ATP7A: variants seen among roughly 807,000 people sequenced by gnomAD.
ATP7A encodes copper-transporting ATPase 1.
A neutral mutation model predicts 83.5 loss-of-function variants in ATP7A; 7 were observed. The observed-to-expected ratio is 0.08, with a 90% confidence interval of 0.05 to 0.16. ATP7A has a LOEUF of 0.16. Ranked by LOEUF, ATP7A falls within the 10% of genes least tolerant of loss-of-function variation. ATP7A has a pLI of 1.00. For missense variants in ATP7A, 940 were observed against 1,120.8 expected (o/e 0.84, Z 2.30); for synonymous variants, 354 against 395.2 (o/e 0.90, Z 1.24).
intron 2 of ATP7A, among the ~76,000 whole-genome samples, chrX:77,981,903 C>T (rs2077607143): frequency 9.0e-6 from 1 of 110,985 alleles, no homozygotes. Flanking sequence ...AAAGTGATAA[C>T]CTTTATTTAG....
intron 15 of ATP7A, among the ~76,000 whole-genome samples, chrX:78,031,098 G>A (rs1438795495): frequency 9.0e-6 from 1 of 111,431 alleles, no homozygotes; most frequent in Non-Finnish European, 1.9e-5. Context: ...CACTAGAGGC[G>A]TCTCTTAATT....
At position 78,046,500 on chromosome X, in the gene ATP7A, T is replaced by A; in HGVS notation, c.4433T>A (p.Val1478Asp). The A allele has an allele frequency of 4.1e-6, 5 of 1,211,526 alleles. No individual in the cohort carries two copies. The highest frequency in any genetic ancestry group is 5.6e-6 in the Non-Finnish European group (5 of 895,329). Residue 1478 changes from valine to aspartate, a missense_variant, in exon 23 of 23, where the codon GTT becomes GAT. Physicochemically the swap from Val to Asp is radical, Grantham distance 152. This residue lies in a region of ATP7A where 386 missense variants were observed against 502.2 expected (regional missense o/e 0.77). Coordinates refer to ENST00000341514, the MANE Select transcript of ATP7A (RefSeq NM_000052.7). ...LSDKRSLNSV[V>D]TSEPDKHSLL... ...GATAAACGCTCCCTAAACAGTGTTG[T>A]TACCAGTGAACCTGACAAGCACTCA...
Position 78,012,972 on chromosome X carries a change from A to G in ATP7A, c.2266A>G (p.Ile756Val). ...CGTACTGATTGTGCTGGCAACCACC[A>G]TTGCATTTGCCTACTCTTTGATTAT... ...MDVLIVLATT[I>V]AFAYSLIILL... Residue 756 changes from isoleucine to valine, a missense_variant, in exon 10 of 23, where the codon ATT becomes GTT. This residue lies in a region of ATP7A where 204 missense variants were observed against 185.8 expected (regional missense o/e 1.10). Coordinates refer to ENST00000341514, the MANE Select transcript of ATP7A (RefSeq NM_000052.7). The G allele has an allele frequency of 3.3e-6, 4 of 1,211,264 alleles. No homozygotes were observed. The highest frequency in any genetic ancestry group is 4.5e-6 in the Non-Finnish European group (4 of 895,128).
intron 20 of ATP7A, 64 bp downstream of exon 20, chrX:78,042,852 A>C: frequency 4.4e-5 from 48 of 1,080,078 alleles, no homozygotes; most frequent in Non-Finnish European, 5.5e-5. Flanking sequence ...TGATAATGTC[A>C]TAAAGTATAT....
intron 2 of ATP7A, among the ~76,000 whole-genome samples, chrX:77,984,525 G>C (rs976531482): frequency 2.7e-5 from 3 of 109,795 alleles, no homozygotes; most frequent in Non-Finnish European, 3.8e-5. Context: ...CCACCACCAC[G>C]GCCAGCTAAT....
intron 1 of ATP7A, among the ~76,000 whole-genome samples, chrX:77,916,046 T>A: frequency 9.0e-6 from 1 of 111,408 alleles, no homozygotes; most frequent in African/African-American, 3.2e-5. Context: ...GCACAATACT[T>A]AATTTCTAAC....
chrX:77,962,218 T>C (rs1242945437), intron 1 of ATP7A, among the ~76,000 whole-genome samples: 1 of 111,353 alleles, frequency 9.0e-6, no homozygotes, highest in Non-Finnish European at 1.9e-5. Context: ...GAAAATAGGG[T>C]CTAGAGGCAG....
intron 1 of ATP7A, among the ~76,000 whole-genome samples, chrX:77,931,546 G>A (rs2077275300): frequency 8.9e-6 from 1 of 112,579 alleles, no homozygotes; most frequent in Non-Finnish European, 1.9e-5. Context: ...CCCAGAGGGG[G>A]TGGTGGCCGG....
intron 14 of ATP7A, among the ~76,000 whole-genome samples, chrX:78,027,843 A>G (rs1006927581): frequency 9.0e-6 from 1 of 110,678 alleles, no homozygotes; most frequent in South Asian, 3.8e-4. Context: ...TGGGGAAAGG[A>G]CACCCTATTC....
chrX:77,956,751 C>CTTTCTTTCTT (rs1365840166), intron 1 of ATP7A, among the ~76,000 whole-genome samples: 3 of 97,866 alleles, frequency 3.1e-5, no homozygotes, highest in African/African-American at 1.1e-4. Context: ...TTCTTTCTTT[C>CTTTCTTTCTT]TTTCTTTCTT....
In ATP7A at chrX:77,931,742, C is replaced by T. The variant is rs1299751753; in HGVS notation, c.-22+20907C>T. Among the ~76,000 whole-genome samples the T allele has an allele frequency of 1.5e-4, 16 of 104,842 alleles. No homozygotes were observed. In the East Asian group the frequency reaches 3.2e-3, roughly 21 times the overall value. 91.0% of individuals were successfully genotyped at this position (104,842 alleles called of 115,157 possible). The stretch of plus-strand genomic sequence containing the variant: ...CTGGGCAGAGGCACCCCTCACCTCC[C>T]GGACGGGGCGGCTGGCCGGGTGGGG... On this transcript the variant is annotated intron_variant, in intron 1 of 22. Coordinates refer to ENST00000341514, the MANE Select transcript of ATP7A (RefSeq NM_000052.7).
chrX:77,966,431 T>C (rs1231164063), intron 1 of ATP7A, among the ~76,000 whole-genome samples: 2 of 112,413 alleles, frequency 1.8e-5, no homozygotes, highest in African/African-American at 6.5e-5. Context: ...GCTTTTGTGA[T>C]TCAATGGACA....
chrX:77,950,490 TTC>T (rs2077406875), intron 1 of ATP7A, among the ~76,000 whole-genome samples: 1 of 111,800 alleles, frequency 8.9e-6, no homozygotes, highest in Admixed American at 9.6e-5. Flanking sequence ...TCCAGTTTTG[TTC>T]TGTTTTAAGC....
intron 14 of ATP7A, among the ~76,000 whole-genome samples, chrX:78,028,885 G>A (rs2077964369): frequency 8.9e-6 from 1 of 112,146 alleles, no homozygotes; most frequent in Non-Finnish European, 1.9e-5. Flanking sequence ...AGTGTGAAAG[G>A]CAGAATTATG....
Position 77,974,146 on chromosome X carries a change from T to A in ATP7A, c.120+2385T>A, listed in dbSNP as rs781844602. 2.8e-5 allele frequency among the ~76,000 whole-genome samples: 3 copies of A among 108,260 alleles called. No individual in the cohort carries two copies. In the East Asian group the frequency reaches 8.5e-4, roughly 31 times the overall value. 94.0% of individuals were successfully genotyped at this position (108,260 alleles called of 115,157 possible). ...TATGTAATTATGTCATCAAGGTATA[T>A]AGTTTTTTTTTTTTTTTAAGATAGT... On this transcript the variant is annotated intron_variant, in intron 2 of 22. Coordinates refer to ENST00000341514, the MANE Select transcript of ATP7A (RefSeq NM_000052.7).
At chrX:78,033,483 G>C in intron 16 of ATP7A, 122 bp from the exon 17 acceptor site, 1 of 656,212 alleles carries the variant, frequency 1.5e-6, no homozygotes, top group Non-Finnish European at 2.4e-6. Flanking sequence ...CCACTGTCAA[G>C]TAGGCAATAT....
chrX:77,969,502 C>G (rs782301078), intron 1 of ATP7A: 4 of 1,210,606 alleles, frequency 3.3e-6, no homozygotes, highest in Non-Finnish European at 4.5e-6. Flanking sequence ...GCCAGCATCT[C>G]GTAGCGCCTG....
At position 78,047,091 on chromosome X, in the gene ATP7A, GT is replaced by G. The variant is rs1482158827; in HGVS notation, c.*522del. 1 of 113,167 alleles carries G rather than the reference GT, an allele frequency of 8.8e-6. No individual in the cohort carries two copies. Among genetic ancestry groups the G allele is most frequent in the Non-Finnish European group, 1.9e-5 (1 of 54,048 alleles). 9.3% of individuals were successfully genotyped at this position (113,167 alleles called of 1,213,427 possible). A position where few individuals can be genotyped will look rare whatever the true frequency, so the allele number is the denominator to read the frequency against. ...CAGTTGAAACTGTTTAAAAATAGATGTGCCTTATTTATTGCAGGCTTTCTTT... is the reference window on the plus strand; with the variant it reads ...CAGTTGAAACTGTTTAAAAATAGATGGCCTTATTTATTGCAGGCTTTCTTT... On this transcript the variant is annotated 3_prime_UTR_variant, in exon 23 of 23. Transcript: ENST00000341514.
rs188157978 is a variant in ATP7A at position 78,043,806 on chromosome X, C to T, written c.4123+372C>T. On this transcript the variant is annotated intron_variant, in intron 21 of 22. Transcript: ENST00000341514. ...CTGAGTAACTGGGACTATAGGTGCC[C>T]GCCACAACGCCCAACTAATTTTTGT... is the stretch of plus-strand genomic sequence containing the variant. Among the ~76,000 whole-genome samples, 8 of 105,234 alleles carry T rather than the reference C, an allele frequency of 7.6e-5. No individual in the cohort carries two copies. The East Asian group carries it at 1.9e-3, about 24-fold the overall frequency. 91.4% of individuals were successfully genotyped at this position (105,234 alleles called of 115,157 possible). A position where few individuals can be genotyped will look rare whatever the true frequency, so the allele number is the denominator to read the frequency against.
Sources: gnomAD v4.1 joint callset for allele counts (sites outside exome capture counted in the v4.1 genomes callset) on GRCh38, gnomAD v4.1.1 for gene constraint, gnomAD v4.1.1 regional missense constraint, MANE v1.5 for transcripts, NCBI Gene and HGNC (gene_info 2026-07-23, HGNC 2026-07-21) for gene names.